The following ST6GAL2 variants were observed in gnomAD, a reference collection of about 807,000 sequenced individuals.
ST6GAL2 encodes beta-galactoside alpha-2,6-sialyltransferase 2.
Under a neutral mutation model 37.5 loss-of-function variants are expected in ST6GAL2, and 24 were observed. The ratio of observed to expected loss-of-function variants is 0.64; its 90% confidence interval spans 0.46 to 0.90. ST6GAL2 has a LOEUF of 0.90. ST6GAL2 is among the 40% of genes least tolerant of loss of function. ST6GAL2 has a pLI of 0.00. For synonymous variants in ST6GAL2, 306 were observed against 295.1 expected, an observed-to-expected ratio of 1.04 and a Z score of -0.38; for missense variants, 715 against 712.7, an observed-to-expected ratio of 1.00 and a Z score of -0.04.
chr2:106,837,830 C>A (rs766493164), intron 2 of ST6GAL2, among the ~76,000 whole-genome samples: 46 of 152,182 alleles, frequency 3.0e-4, no homozygotes, highest in Non-Finnish European at 5.9e-4. Context: ...CTAAACCATC[C>A]AAGGACTTCA....
At chr2:106,838,222 C>T (rs984014027) in intron 2 of ST6GAL2, among the ~76,000 whole-genome samples, 1 of 152,182 alleles carries the variant, frequency 6.6e-6, no homozygotes, top group African/African-American at 2.4e-5. Context: ...CAGAACCATG[C>T]TGTGTTGTCC....
chr2:106,869,794 T>C (rs765907726), intron 1 of ST6GAL2, among the ~76,000 whole-genome samples: 11 of 152,158 alleles, frequency 7.2e-5, no homozygotes, highest in Non-Finnish European at 1.3e-4. Flanking sequence ...TGTTGGCTGT[T>C]CTCCCTCGCA....
chr2:106,859,505 C>G (rs1677714894), intron 1 of ST6GAL2, among the ~76,000 whole-genome samples: 1 of 152,150 alleles, frequency 6.6e-6, no homozygotes, highest in Non-Finnish European at 1.5e-5. Flanking sequence ...ATTCTTCTTT[C>G]CTTCCTTAGT....
chr2:106,876,530 A>G (rs1678508943), intron 1 of ST6GAL2, among the ~76,000 whole-genome samples: 2 of 152,228 alleles, frequency 1.3e-5, no homozygotes, highest in African/African-American at 4.8e-5. Context: ...AACTTTAAGT[A>G]TAAACTGGTG....
intron 5 of ST6GAL2, among the ~76,000 whole-genome samples, chr2:106,814,724 A>G (rs748855836): frequency 2.0e-5 from 3 of 152,194 alleles, no homozygotes; most frequent in Non-Finnish European, 4.4e-5. Flanking sequence ...CCAGCTGTGC[A>G]TGAAGACCCC....
intron 1 of ST6GAL2, among the ~76,000 whole-genome samples, chr2:106,850,872 C>A (rs1677331624): frequency 6.6e-6 from 1 of 152,176 alleles, no homozygotes; most frequent in Admixed American, 6.5e-5. Flanking sequence ...CATATCCCAT[C>A]ATTAGCTGGT....
At chr2:106,827,545 A>G (rs972039164) in intron 5 of ST6GAL2, among the ~76,000 whole-genome samples, 16 of 152,100 alleles carry the variant, frequency 1.1e-4, no homozygotes, top group Middle Eastern at 3.4e-3. Flanking sequence ...CCCACCCCCA[A>G]CCCTTACCCA....
intron 5 of ST6GAL2, among the ~76,000 whole-genome samples, chr2:106,818,648 T>C (rs200468341): frequency 6.6e-6 from 1 of 152,084 alleles, no homozygotes; most frequent in East Asian, 1.9e-4. Context: ...CTGTGAAGAC[T>C]ACAATAATAC....
chr2:106,843,966 G>A lies in ST6GAL2; in HGVS notation c.12C>T (p.His4=), dbSNP rs375816524. The A allele has an allele frequency of 1.4e-4, 217 of 1,576,974 alleles. No individual in the cohort carries two copies. The South Asian group carries it at 2.2e-3, about 16-fold the overall frequency. ...GCATTCGTTGTCTCCATTGCTTCAA[G>A]TGTGGTTTCATGGCAGGTCTCTGCG... MKP[H]LKQWRQRMLF... The change falls in exon 2 of 6, where the codon CAC becomes CAT. Residue 4 remains histidine (H), a synonymous_variant. Coordinates refer to ENST00000409382, the MANE Select transcript of ST6GAL2 (RefSeq NM_001142351.2).
intron 1 of ST6GAL2, among the ~76,000 whole-genome samples, chr2:106,846,047 GCCATCCCA>G (rs1677131130): frequency 6.5e-4 from 2 of 3,054 alleles, no homozygotes; most frequent in African/African-American, 1.4e-3. Context: ...AGCCGTCCCA[GCCATCCCA>G]GCCATCCCAG....
intron 2 of ST6GAL2, among the ~76,000 whole-genome samples, chr2:106,835,369 T>G (rs988003559): frequency 6.6e-6 from 1 of 152,012 alleles, no homozygotes; most frequent in African/African-American, 2.4e-5. Flanking sequence ...TCCTTTGGAG[T>G]TGTCTTCTTG....
chr2:106,814,865 T>C (rs1420180855), intron 5 of ST6GAL2, among the ~76,000 whole-genome samples: 1 of 152,204 alleles, frequency 6.6e-6, no homozygotes, highest in African/African-American at 2.4e-5. Flanking sequence ...AATAACAAGA[T>C]AAAATCTCTA....
intron 1 of ST6GAL2, among the ~76,000 whole-genome samples, chr2:106,869,469 C>T (rs548049290): frequency 2.8e-4 from 42 of 152,126 alleles, no homozygotes; most frequent in Non-Finnish European, 5.0e-4. Flanking sequence ...GATAACTGCT[C>T]CCATCCTAGG....
rs1675386705 is a variant in ST6GAL2, at chr2:106,805,492, C to G, written c.*1186G>C. The G allele has an allele frequency of 6.6e-6, 1 of 152,106 alleles. No homozygotes were observed. Among genetic ancestry groups the G allele is most frequent in the African/African-American group, 2.4e-5 (1 of 41,402 alleles). 9.4% of individuals were successfully genotyped at this position (152,106 alleles called of 1,614,324 possible). A position where few individuals can be genotyped will look rare whatever the true frequency, so the allele number is the denominator to read the frequency against. On this transcript the variant is annotated 3_prime_UTR_variant, in exon 6 of 6. Coordinates refer to ENST00000409382, the MANE Select transcript of ST6GAL2 (RefSeq NM_001142351.2). ...CCCTCTGAAGCATCTACATATTTTC[C>G]TTGTTAATAAGCAATGCTTTCACAT...
intron 5 of ST6GAL2, among the ~76,000 whole-genome samples, chr2:106,823,745 G>A (rs188329136): frequency 6.6e-6 from 1 of 152,252 alleles, no homozygotes. Context: ...CATAGTTTTA[G>A]GGGCCTGAAA....
At chr2:106,864,257 A>G (rs942463574) in intron 1 of ST6GAL2, among the ~76,000 whole-genome samples, 5 of 152,132 alleles carry the variant, frequency 3.3e-5, no homozygotes, top group Admixed American at 3.3e-4. Context: ...TGCCAGACAC[A>G]CACCTGCAAG....
intron 5 of ST6GAL2, among the ~76,000 whole-genome samples, chr2:106,825,400 T>C (rs1172568628): frequency 2.6e-5 from 4 of 152,224 alleles, no homozygotes; most frequent in African/African-American, 7.2e-5. Context: ...GACAGTTTCA[T>C]TGTAACCTTA....
intron 5 of ST6GAL2, among the ~76,000 whole-genome samples, chr2:106,816,580 A>G (rs1195768118): frequency 6.6e-6 from 1 of 152,196 alleles, no homozygotes; most frequent in Non-Finnish European, 1.5e-5. Flanking sequence ...AACAAGATTT[A>G]AAAATATTAA....
At chr2:106,883,359 A>T (rs552176401) in intron 1 of ST6GAL2, among the ~76,000 whole-genome samples, 1 of 152,318 alleles carries the variant, frequency 6.6e-6, no homozygotes, top group South Asian at 2.1e-4. Context: ...GAGCTTTCGG[A>T]AAAATGGTAG....
Sources: allele counts gnomAD v4.1 joint callset (sites outside exome capture counted in the v4.1 genomes callset), GRCh38; gene constraint gnomAD v4.1.1; transcripts MANE v1.5; gene names NCBI Gene and HGNC (gene_info 2026-07-23, HGNC 2026-07-21).